The following SUPT3H variants were observed in gnomAD, a reference collection of about 807,000 sequenced individuals.
The protein encoded by SUPT3H is SPT3 homolog, SAGA and STAGA complex component.
A neutral mutation model predicts 44.3 loss-of-function variants in SUPT3H; 44 were observed. The ratio of observed to expected loss-of-function variants is 0.99; its 90% confidence interval spans 0.78 to 1.28. SUPT3H has a LOEUF of 1.28. Among genes scored for constraint, SUPT3H ranks in the 50% most tolerant of loss-of-function variants. The pLI is 0.00. For synonymous variants in SUPT3H, 124 were observed against 125.6 expected, an observed-to-expected ratio of 0.99 and a Z score of 0.09; for missense variants, 380 against 387.1, an observed-to-expected ratio of 0.98 and a Z score of 0.15.
intron 2 of SUPT3H, among the ~76,000 whole-genome samples, chr6:45,266,220 T>C (rs867841729): frequency 6.6e-6 from 1 of 152,088 alleles, no homozygotes. Context: ...TTAGCCGTTA[T>C]TCCCGGGAGA....
intron 3 of SUPT3H, among the ~76,000 whole-genome samples, chr6:45,028,878 T>G (rs1183876661): frequency 7.3e-6 from 1 of 136,710 alleles, no homozygotes; most frequent in Non-Finnish European, 1.5e-5. Context: ...TTTTCTTTCT[T>G]GGTGAATAAA....
At chr6:45,328,929 A>T (rs1786905412) in intron 2 of SUPT3H, 1 of 868,194 alleles carries the variant, frequency 1.2e-6, no homozygotes, top group Admixed American at 2.2e-5. Context: ...TTGAAAAATG[A>T]AATTTCTGTA....
At chr6:44,841,080 T>TC (rs1293953583) in intron 10 of SUPT3H, among the ~76,000 whole-genome samples, 2 of 152,196 alleles carry the variant, frequency 1.3e-5, no homozygotes, top group African/African-American at 4.8e-5. Context: ...ATTGGAAGCT[T>TC]CCTGAAGCAG....
chr6:44,978,651 T>C (rs1250963298), intron 6 of SUPT3H, among the ~76,000 whole-genome samples: 1 of 152,174 alleles, frequency 6.6e-6, no homozygotes, highest in African/African-American at 2.4e-5. Flanking sequence ...CATAGCATGG[T>C]CTCATCTGTC....
chr6:45,287,197 A>T (rs1779453731), intron 2 of SUPT3H, among the ~76,000 whole-genome samples: 1 of 152,088 alleles, frequency 6.6e-6, no homozygotes, highest in Non-Finnish European at 1.5e-5. Flanking sequence ...CATATGTAAC[A>T]AACCTGCACA....
chr6:45,238,545 TCC>T (rs1245508913), intron 2 of SUPT3H, among the ~76,000 whole-genome samples: 1 of 152,180 alleles, frequency 6.6e-6, no homozygotes, highest in Non-Finnish European at 1.5e-5. Flanking sequence ...GAAAGGCAAG[TCC>T]ATAAAGCTCA....
intron 1 of SUPT3H, among the ~76,000 whole-genome samples, chr6:45,366,877 T>C (rs1336047137): frequency 1.3e-5 from 2 of 152,202 alleles, no homozygotes; most frequent in Non-Finnish European, 2.9e-5. Context: ...TAAAAACTCT[T>C]AGCTACATCT....
chr6:45,237,277 T>A (rs575501657), intron 2 of SUPT3H, among the ~76,000 whole-genome samples: 2 of 152,296 alleles, frequency 1.3e-5, no homozygotes, highest in South Asian at 4.1e-4. Flanking sequence ...GCTGTTCACG[T>A]AGTCAATTCA....
intron 3 of SUPT3H, among the ~76,000 whole-genome samples, chr6:45,067,811 C>G (rs1276871910): frequency 1.4e-5 from 2 of 144,058 alleles, no homozygotes; most frequent in Non-Finnish European, 3.0e-5. Context: ...AGTCAGGAAA[C>G]AACAGGTGCT....
chr6:45,076,866 A>C (rs1022154854), intron 3 of SUPT3H, among the ~76,000 whole-genome samples: 1 of 152,170 alleles, frequency 6.6e-6, no homozygotes, highest in Non-Finnish European at 1.5e-5. Context: ...TTCCATGCAC[A>C]ATACTGGGTT....
At chr6:45,280,916 A>T (rs1777925390) in intron 2 of SUPT3H, among the ~76,000 whole-genome samples, 1 of 152,236 alleles carries the variant, frequency 6.6e-6, no homozygotes, top group African/African-American at 2.4e-5. Context: ...TGCCATTAAC[A>T]TCTGTAATGT....
intron 6 of SUPT3H, among the ~76,000 whole-genome samples, chr6:44,986,947 T>C (rs1166558993): frequency 6.6e-6 from 1 of 152,182 alleles, no homozygotes; most frequent in Non-Finnish European, 1.5e-5. Flanking sequence ...CTGTTCCTTT[T>C]GTCAGTCTGC....
intron 5 of SUPT3H, among the ~76,000 whole-genome samples, chr6:45,005,956 A>G (rs989511109): frequency 6.6e-6 from 1 of 152,008 alleles, no homozygotes; most frequent in African/African-American, 2.4e-5. Context: ...ATATCTTGCT[A>G]TTTTGCTGAT....
At chr6:44,941,102 TGTTA>T (rs1772348999) in intron 9 of SUPT3H, among the ~76,000 whole-genome samples, 1 of 152,122 alleles carries the variant, frequency 6.6e-6, no homozygotes, top group Non-Finnish European at 1.5e-5. Context: ...CCTGTGATAT[TGTTA>T]ATTATTTTCT....
intron 2 of SUPT3H, among the ~76,000 whole-genome samples, chr6:45,230,037 T>C (rs1207779133): frequency 6.6e-6 from 1 of 152,146 alleles, no homozygotes; most frequent in African/African-American, 2.4e-5. Context: ...TCCATGTCCA[T>C]TAGATCTAGT....
intron 3 of SUPT3H, among the ~76,000 whole-genome samples, chr6:45,088,362 G>A (rs1236650857): frequency 6.6e-6 from 1 of 151,956 alleles, no homozygotes; most frequent in Non-Finnish European, 1.5e-5. Flanking sequence ...CTGCCTCTTA[G>A]TGTCTTTGCC....
At chr6:45,026,273 C>A (rs888503271) in intron 3 of SUPT3H, among the ~76,000 whole-genome samples, 1 of 152,006 alleles carries the variant, frequency 6.6e-6, no homozygotes, top group East Asian at 1.9e-4. Context: ...ACTGAAAGAA[C>A]CTGGAGTTAA....
intron 6 of SUPT3H, among the ~76,000 whole-genome samples, chr6:44,965,594 A>T (rs368504124): frequency 4.0e-4 from 27 of 67,322 alleles, no homozygotes; most frequent in African/African-American, 8.8e-4. Flanking sequence ...TGAATTGTTT[A>T]AAAAAAAAAT....
chr6:44,992,410 A>G (rs1028909369), intron 6 of SUPT3H, among the ~76,000 whole-genome samples: 1 of 152,164 alleles, frequency 6.6e-6, no homozygotes, highest in Non-Finnish European at 1.5e-5. Flanking sequence ...CACAGTGTGC[A>G]GTGCTGATGT....
Sources: allele counts gnomAD v4.1 joint callset (sites outside exome capture counted in the v4.1 genomes callset), GRCh38; gene constraint gnomAD v4.1.1; transcripts MANE v1.5; gene names NCBI Gene and HGNC (gene_info 2026-07-23, HGNC 2026-07-21).